Variants in CDH18 observed in about 807,000 individuals in gnomAD.
The protein encoded by CDH18 is cadherin 18.
A neutral mutation model predicts 67.9 loss-of-function variants in CDH18; 31 were observed. The ratio of observed to expected loss-of-function variants is 0.46; its 90% CI spans 0.34 to 0.62. The LOEUF (loss-of-function observed/expected upper bound fraction) is 0.62, where lower values mean the gene tolerates loss of function less well. Among genes scored for constraint, CDH18 ranks in the 20% least tolerant of loss-of-function variants. The pLI is 0.01. For synonymous variants in CDH18, 362 were observed against 347.2 expected (o/e 1.04, Z -0.48); for missense variants, 890 against 975.5 (o/e 0.91, Z 1.17).
intron 11 of CDH18, among the ~76,000 whole-genome samples, chr5:19,489,396 C>T (rs999230181): frequency 3.0e-4 from 45 of 151,534 alleles, no homozygotes; most frequent in African/African-American, 8.2e-4. Context: ...TACAGGCGCC[C>T]GCCACCACAC....
At chr5:19,940,319 C>T (rs1193418601) in intron 2 of CDH18, among the ~76,000 whole-genome samples, 1 of 151,594 alleles carries the variant, frequency 6.6e-6, no homozygotes, top group Non-Finnish European at 1.5e-5. Flanking sequence ...ACATGTGACC[C>T]TATCTCCTCT....
At chr5:19,887,643 A>T (rs1179433106) in intron 2 of CDH18, among the ~76,000 whole-genome samples, 1 of 150,562 alleles carries the variant, frequency 6.6e-6, no homozygotes, top group Admixed American at 6.6e-5. Context: ...ATCATATTTC[A>T]CTGTAGCCTT....
At chr5:19,898,811 T>C (rs1789626518) in intron 2 of CDH18, among the ~76,000 whole-genome samples, 1 of 152,022 alleles carries the variant, frequency 6.6e-6, no homozygotes, top group Non-Finnish European at 1.5e-5. Context: ...CAAGTGGGGA[T>C]ACATTAAACT....
intron 2 of CDH18, among the ~76,000 whole-genome samples, chr5:20,057,744 C>CT (rs1160914997): frequency 2.0e-5 from 3 of 152,020 alleles, no homozygotes; most frequent in South Asian, 2.1e-4. Flanking sequence ...AACTTAACCA[C>CT]TTTTTTTTCT....
At chr5:20,258,667 A>G (rs1450704911) in intron 1 of CDH18, among the ~76,000 whole-genome samples, 4 of 152,122 alleles carry the variant, frequency 2.6e-5, no homozygotes, top group Non-Finnish European at 1.5e-5. Context: ...TTATTTTTCA[A>G]TTCAATGCCC....
intron 5 of CDH18, among the ~76,000 whole-genome samples, chr5:19,713,121 T>C (rs1764922768): frequency 6.6e-6 from 1 of 151,520 alleles, no homozygotes; most frequent in African/African-American, 2.4e-5. Context: ...TTTTTCTCAA[T>C]AGTTACTATT....
At chr5:20,575,347 A>G (rs977428191) in intron 1 of CDH18, 1 of 152,168 alleles carries the variant, frequency 6.6e-6, no homozygotes, top group Non-Finnish European at 1.5e-5. Context: ...ACTTGTGTAT[A>G]GAATTTACTT....
intron 2 of CDH18, among the ~76,000 whole-genome samples, chr5:20,255,210 A>G (rs1744141738): frequency 1.3e-5 from 2 of 152,072 alleles, no homozygotes; most frequent in Admixed American, 1.3e-4. Context: ...CCCATATAAC[A>G]AACTTGCACA....
At chr5:19,645,460 C>A (rs1754608778) in intron 5 of CDH18, among the ~76,000 whole-genome samples, 1 of 152,098 alleles carries the variant, frequency 6.6e-6, no homozygotes, top group Admixed American at 6.6e-5. Context: ...GTAGAGAGGG[C>A]TAAATAACGG....
chr5:20,174,311 G>A (rs1362305707), intron 2 of CDH18, among the ~76,000 whole-genome samples: 1 of 152,144 alleles, frequency 6.6e-6, no homozygotes, highest in Non-Finnish European at 1.5e-5. Context: ...GCATGCACAA[G>A]CTCTACTCTA....
chr5:20,518,558 G>A (rs768036590), intron 1 of CDH18, among the ~76,000 whole-genome samples: 2 of 152,178 alleles, frequency 1.3e-5, no homozygotes, highest in Non-Finnish European at 2.9e-5. Flanking sequence ...TGCCTGACAC[G>A]TGGCGTTTCA....
chr5:20,319,615 T>A (rs1472306445), intron 1 of CDH18, among the ~76,000 whole-genome samples: 2 of 152,188 alleles, frequency 1.3e-5, no homozygotes, highest in Admixed American at 1.3e-4. Flanking sequence ...ACAAAACATG[T>A]TAATCTTGAT....
At chr5:20,339,541 G>T (rs1740073987) in intron 1 of CDH18, among the ~76,000 whole-genome samples, 1 of 152,012 alleles carries the variant, frequency 6.6e-6, no homozygotes, top group African/African-American at 2.4e-5. Flanking sequence ...TGCCTATAGA[G>T]AGGCACTACC....
At chr5:20,364,281 ACAC>A (rs577864123) in intron 1 of CDH18, among the ~76,000 whole-genome samples, 66 of 152,250 alleles carry the variant, frequency 4.3e-4, no homozygotes, top group South Asian at 1.0e-3. Context: ...ACACACACAC[ACAC>A]AATTGAAATT....
intron 2 of CDH18, among the ~76,000 whole-genome samples, chr5:20,250,379 G>C (rs1743746813): frequency 6.6e-6 from 1 of 150,570 alleles, no homozygotes; most frequent in Non-Finnish European, 1.5e-5. Flanking sequence ...GGCAACCTCC[G>C]CCTCCCGGAT....
chr5:20,147,183 T>C (rs1750710747), intron 2 of CDH18, among the ~76,000 whole-genome samples: 1 of 152,176 alleles, frequency 6.6e-6, no homozygotes, highest in East Asian at 1.9e-4. Flanking sequence ...TGTTATTGTT[T>C]GGGTTTAATT....
intron 1 of CDH18, among the ~76,000 whole-genome samples, chr5:20,337,556 C>T (rs749270518): frequency 2.0e-4 from 31 of 152,218 alleles, no homozygotes; most frequent in Non-Finnish European, 4.4e-4. Flanking sequence ...ACCTTTGCTC[C>T]TGTTCCCAAC....
At chr5:20,105,802 C>T (rs1746882036) in intron 2 of CDH18, among the ~76,000 whole-genome samples, 1 of 152,130 alleles carries the variant, frequency 6.6e-6, no homozygotes, top group South Asian at 2.1e-4. Context: ...CTACATTTTG[C>T]TCTCCCTTTA....
At chr5:20,488,909 T>G (rs1170266061) in intron 1 of CDH18, among the ~76,000 whole-genome samples, 2 of 151,966 alleles carry the variant, frequency 1.3e-5, no homozygotes, top group Non-Finnish European at 2.9e-5. Context: ...TTTTCATATA[T>G]TAATTGTGGT....
Sources: allele counts gnomAD v4.1 joint callset (sites outside exome capture counted in the v4.1 genomes callset), GRCh38; gene constraint gnomAD v4.1.1; transcripts MANE v1.5; gene names NCBI Gene and HGNC (gene_info 2026-07-23, HGNC 2026-07-21).